The following COL20A1 variants were observed in gnomAD, a reference collection of about 807,000 sequenced individuals.
COL20A1 encodes collagen alpha-1(XX) chain.
Under a neutral mutation model 152.9 loss-of-function variants are expected in COL20A1, and 164 were observed. The observed-to-expected ratio is 1.07, with a 90% CI of 0.94 to 1.22. COL20A1 has a LOEUF of 1.22. Among genes scored for constraint, COL20A1 ranks in the 50% most tolerant of loss-of-function variants. COL20A1 has a pLI of 0.00. For synonymous variants in COL20A1, 864 were observed against 756.0 expected, an observed-to-expected ratio of 1.14 and a Z score of -2.34; for missense variants, 1,873 against 1,744.8, an observed-to-expected ratio of 1.07 and a Z score of -1.31.
chr20:63,309,714 C>A, intron 9 of COL20A1, 44 bp from the exon 10 acceptor site: 1 of 1,500,322 alleles, frequency 6.7e-7, no homozygotes, highest in Non-Finnish European at 8.9e-7. Context: ...GACACAGCTG[C>A]CCGTGCAGTG....
chr20:63,318,762 G>A (rs933160285), intron 21 of COL20A1, among the ~76,000 whole-genome samples: 1 of 152,178 alleles, frequency 6.6e-6, no homozygotes, highest in African/African-American at 2.4e-5. Context: ...CAATGGGAGG[G>A]ATTCTGTCCT....
chr20:63,326,737 T>G lies in COL20A1; in HGVS notation c.3457-15T>G. On this transcript the variant is annotated splice_polypyrimidine_tract_variant and intron_variant, in intron 30 of 35. Transcript: ENST00000358894. ...TGGGGGCCCAAGCCAAACCCTGACT[T>G]CTGTGTCTATGCAGGGGTTCCAGGG... 1 of 1,434,508 alleles carries G rather than the reference T, an allele frequency of 7.0e-7. No individual in the cohort carries two copies. Among genetic ancestry groups the G allele is most frequent in the Non-Finnish European group, 9.1e-7 (1 of 1,095,710 alleles). The allele number at this position is 1,434,508 out of a possible 1,614,324, so 88.9% of individuals were successfully genotyped here. A position where few individuals can be genotyped will look rare whatever the true frequency, so the allele number is the denominator to read the frequency against.
chr20:63,307,843 G>A (rs1470611643), intron 6 of COL20A1, 128 bp from the exon 7 acceptor site: 7 of 1,269,330 alleles, frequency 5.5e-6, no homozygotes, highest in Non-Finnish European at 7.7e-6. Flanking sequence ...TCCTCTCCCT[G>A]GGGACTGGCT....
chr20:63,305,930 C>T lies in COL20A1; in HGVS notation c.387C>T (p.Leu129=), dbSNP rs372429110. ...TGGACAGGAGCAGCCAGAGGCCCCTCGGCTCTGGAGCCCCGGAGCCCACCC... is the reference window on the plus strand; with the variant it reads ...TGGACAGGAGCAGCCAGAGGCCCCTTGGCTCTGGAGCCCCGGAGCCCACCC... ...SSLDRSSQRP[L]GSGAPEPTPS... The change falls in exon 5 of 36, where the codon CTC becomes CTT. Residue 129 remains leucine, a synonymous_variant. Transcript: ENST00000358894. The surrounding 1 kb of genome is among the most constrained non-coding windows in gnomAD (Gnocchi z 4.9). The T allele has an allele frequency of 5.9e-4, 959 of 1,612,458 alleles. 1 individual carries two copies. The highest frequency in any genetic ancestry group is 9.9e-4 in the South Asian group (90 of 91,088).
intron 35 of COL20A1, 106 bp downstream of exon 35, chr20:63,329,767 G>C: frequency 1.3e-6 from 1 of 793,216 alleles, no homozygotes. Flanking sequence ...AGGGTGGGGT[G>C]CTGGGAGCAC....
chr20:63,323,277 T>G (rs934453465), intron 27 of COL20A1, among the ~76,000 whole-genome samples: 1 of 152,252 alleles, frequency 6.6e-6, no homozygotes, highest in Non-Finnish European at 1.5e-5. Flanking sequence ...GTGATGTGAG[T>G]TTTGACTGCG....
At chr20:63,295,605 G>C (rs549346745) in intron 2 of COL20A1, among the ~76,000 whole-genome samples, 51 of 152,198 alleles carry the variant, frequency 3.4e-4, no homozygotes, top group African/African-American at 1.2e-3. Context: ...TTTCCACGCA[G>C]CACCACCCCC....
chr20:63,331,121 T>C lies in COL20A1; in HGVS notation c.*405T>C, dbSNP rs989218290. ...TAGCTCTAAAACAGGCTCAACAACA[T>C]GCCCCGCCCCTTTCTCTGGGCCTCA... is the stretch of plus-strand genomic sequence containing the variant. On this transcript the variant is annotated 3_prime_UTR_variant, in exon 36 of 36. Transcript: ENST00000358894. 5 of 152,234 alleles carry C rather than the reference T, an allele frequency of 3.3e-5. No homozygotes were observed. The highest frequency in any genetic ancestry group is 1.2e-4 in the African/African-American group (5 of 41,434). The allele number at this position is 152,234 out of a possible 1,614,324, so 9.4% of individuals were successfully genotyped here. A position where few individuals can be genotyped will look rare whatever the true frequency, so the allele number is the denominator to read the frequency against.
chr20:63,328,540 G>T, intron 34 of COL20A1, 42 bp downstream of exon 34: 1 of 1,565,764 alleles, frequency 6.4e-7, no homozygotes, highest in Non-Finnish European at 8.7e-7. Flanking sequence ...TGTGGCCGGT[G>T]GGGGCGCCGG....
chr20:63,329,410 CTG>C (rs5842416), intron 34 of COL20A1, 173 bp from the exon 35 acceptor site: 380,349 of 607,376 alleles, frequency 0.63, 120,032 homozygotes, highest in Non-Finnish European at 0.65. Flanking sequence ...CAGGAGGCGC[CTG>C]TGTGGAGCAC....
chr20:63,309,240 C>G, intron 8 of COL20A1, 93 bp from the exon 9 acceptor site: 1 of 1,077,998 alleles, frequency 9.3e-7, no homozygotes, highest in Non-Finnish European at 1.3e-6. Flanking sequence ...GGCCTCTTTA[C>G]TCCTGACCCA....
In COL20A1 at chr20:63,313,544, G is replaced by C. The variant is rs2068044639; in HGVS notation, c.2210-199G>C. ...CTGGCAGGTGGCGTGGTGTGGGTGT[G>C]GTGGGGTGCGGTGTGGGCAGTGGCA... On this transcript the variant is annotated intron_variant, in intron 17 of 35. Transcript: ENST00000358894. The surrounding 1 kb of genome is among the most constrained non-coding windows in gnomAD (Gnocchi z 5.9). Among the ~76,000 whole-genome samples, 1 of 152,102 alleles carries C rather than the reference G, an allele frequency of 6.6e-6. No individual in the cohort carries two copies. Among genetic ancestry groups the C allele is most frequent in the Non-Finnish European group, 1.5e-5 (1 of 67,992 alleles).
At position 63,307,974 on chromosome 20, in the gene COL20A1, T is replaced by C. The variant is rs1246283324; in HGVS notation, c.659T>C (p.Leu220Pro). The C allele has an allele frequency of 6.2e-6, 10 of 1,612,294 alleles. No individual in the cohort carries two copies. Among genetic ancestry groups the C allele is most frequent in the Non-Finnish European group, 7.6e-6 (9 of 1,179,616 alleles). ...EIGPDKVQVG[L>P]TQYSGDAQTE... ...TGGCCATGCCCCTGCTCCCCAGGCC[T>C]GACTCAGTACAGCGGGGATGCTCAG... The change falls in exon 7 of 36, where the codon CTG (leucine) becomes CCG (proline). Residue 220 changes from leucine to proline, a missense_variant. Physicochemically the swap from Leu to Pro is moderately conservative, Grantham distance 98. Transcript: ENST00000358894.
intron 25 of COL20A1, among the ~76,000 whole-genome samples, chr20:63,320,678 C>T (rs112415782): frequency 2.7e-4 from 7 of 26,014 alleles, no homozygotes; most frequent in Admixed American, 8.4e-4. Flanking sequence ...CCCCTCTCAT[C>T]CTCAGTGACT....
chr20:63,311,507 G>C lies in COL20A1; in HGVS notation c.1507G>C (p.Ala503Pro), dbSNP rs1234515663. ...CCACTACCTGGTGCGATGTTCTCCT[G>C]CTTCCCCCAAGGGTGAAGAGGAGGA... is the stretch of plus-strand genomic sequence containing the variant. ...ATHYLVRCSP[A>P]SPKGEEEERE... is the part of the protein sequence containing the mutation. The change falls in exon 12 of 36, where the codon GCT becomes CCT. Residue 503 changes from alanine to proline, a missense_variant. By Grantham distance (27) the Ala-to-Pro change is conservative (BLOSUM62 -1). Transcript: ENST00000358894. This position sits in a 1 kb window ranked among gnomAD's most constrained non-coding sequence, Gnocchi z 4.4. 3 of 1,587,404 alleles carry C rather than the reference G, an allele frequency of 1.9e-6. No individual in the cohort carries two copies. The highest frequency in any genetic ancestry group is 2.7e-5 in the African/African-American group (2 of 74,670).
intron 9 of COL20A1, 77 bp from the exon 10 acceptor site, chr20:63,309,681 G>A (rs1340740039): frequency 8.8e-6 from 12 of 1,370,814 alleles, no homozygotes; most frequent in Non-Finnish European, 1.1e-5. Context: ...TCCCTCCTGT[G>A]AGTGGCCACC....
Position 63,305,851 on chromosome 20 carries a change from A to C in COL20A1, c.338-30A>C. On this transcript the variant is annotated intron_variant, in intron 4 of 35. Coordinates refer to ENST00000358894, the MANE Select transcript of COL20A1 (RefSeq NM_020882.4). This position sits in a 1 kb window ranked among gnomAD's most constrained non-coding sequence, Gnocchi z 4.9. ...CCAGTGGACCAGGCCCTCCACTCCC[A>C]CCCTGATGGCTCTTTGTGTCTCCCT... The C allele has an allele frequency of 6.2e-7, 1 of 1,611,242 alleles. No homozygotes were observed.
Position 63,314,765 on chromosome 20 carries a change from G to A in COL20A1, c.2488+564G>A, listed in dbSNP as rs560250339. ...CCAAGTCCCTGGGCCCCCAGGACAC[G>A]CATGCCCCCAGCCTGCCCGCACACC... On this transcript the variant is annotated intron_variant, in intron 19 of 35. Transcript: ENST00000358894. Among the ~76,000 whole-genome samples, 237 of 152,186 alleles carry A rather than the reference G, an allele frequency of 1.6e-3. 2 individuals carry two copies. The highest frequency in any genetic ancestry group is 2.8e-3 in the Non-Finnish European group (189 of 67,956).
At chr20:63,322,152 G>A (rs894244298) in intron 27 of COL20A1, 41 bp downstream of exon 27, 15 of 1,429,092 alleles carry the variant, frequency 1.0e-5, no homozygotes, top group Middle Eastern at 1.8e-4. Context: ...GGCCTGGATC[G>A]TACCTACCAG....
Sources: allele counts gnomAD v4.1 joint callset (sites outside exome capture counted in the v4.1 genomes callset), GRCh38; gene constraint gnomAD v4.1.1; non-coding constraint Gnocchi (gnomAD v3.1); transcripts MANE v1.5; gene names NCBI Gene and HGNC (gene_info 2026-07-23, HGNC 2026-07-21).